KNSTRN: variants seen among roughly 807,000 people sequenced by gnomAD.
KNSTRN encodes small kinetochore-associated protein.
Under a neutral mutation model 44.7 loss-of-function variants are expected in KNSTRN, and 38 were observed. The ratio of observed to expected loss-of-function variants is 0.85; its 90% CI spans 0.66 to 1.11. The LOEUF (loss-of-function observed/expected upper bound fraction) is 1.11. Among genes scored for constraint, KNSTRN ranks in the 50% most tolerant of loss-of-function variants. The pLI is 0.00. For missense variants in KNSTRN, 406 were observed against 375.8 expected (o/e 1.08, Z -0.66); for synonymous variants, 158 against 148.1 (o/e 1.07, Z -0.48).
chr15:40,386,718 A>G (rs549362106), intron 3 of KNSTRN: 2 of 557,616 alleles, frequency 3.6e-6, no homozygotes, highest in East Asian at 6.0e-5. Flanking sequence ...TTCCTCTTTC[A>G]TCGCTTGCTC....
intron 2 of KNSTRN, chr15:40,383,557 A>T: frequency 2.2e-6 from 1 of 459,580 alleles, no homozygotes; most frequent in Non-Finnish European, 3.9e-6. Flanking sequence ...TGTATTCATC[A>T]GTTAGATTCA....
intron 5 of KNSTRN, 25 bp downstream of exon 5, chr15:40,389,636 T>A (rs1017786044): frequency 4.5e-6 from 7 of 1,550,402 alleles, no homozygotes; most frequent in Non-Finnish European, 5.3e-6. Context: ...AGAGCTCTGT[T>A]ACCAGCTGCC....
At chr15:40,387,392 A>G (rs1332595635) in intron 4 of KNSTRN, among the ~76,000 whole-genome samples, 186 bp downstream of exon 4, 1 of 152,232 alleles carries the variant, frequency 6.6e-6, no homozygotes, top group African/African-American at 2.4e-5. Context: ...CAGTGCAAGA[A>G]TCACTGGTGC....
At chr15:40,391,164 C>T (rs1325875184) in intron 6 of KNSTRN, among the ~76,000 whole-genome samples, 1 of 152,062 alleles carries the variant, frequency 6.6e-6, no homozygotes, top group Non-Finnish European at 1.5e-5. Flanking sequence ...CTGAAAGGCT[C>T]TTAAAAATAG....
At chr15:40,384,207 A>T in intron 2 of KNSTRN, 1 of 291,232 alleles carries the variant, frequency 3.4e-6, no homozygotes, top group South Asian at 2.8e-5. Flanking sequence ...CACCGTCTCT[A>T]CTAAAAAATA....
In KNSTRN at chr15:40,391,493, C is replaced by CT; in HGVS notation, c.689dup (p.Leu230PhefsTer4). ...AGATTGACTTTGTTGTATCCATCAG[C>CT]TTTAGGCAGTGAGACCCTGGCATCA... On this transcript the variant is annotated frameshift_variant and splice_region_variant, in exon 7 of 9. Transcript: ENST00000249776. LOFTEE classifies it high-confidence loss of function. 1.9e-6 allele frequency: 3 copies of CT among 1,613,378 alleles called. No homozygotes were observed. The highest frequency in any genetic ancestry group is 1.7e-6 in the Non-Finnish European group (2 of 1,179,400).
chr15:40,393,696 C>T lies in KNSTRN; in HGVS notation c.*99C>T. On this transcript the variant is annotated 3_prime_UTR_variant, in exon 9 of 9. Coordinates refer to ENST00000249776, the MANE Select transcript of KNSTRN (RefSeq NM_033286.4). ...GCCATGATCTTCTGGGACTCACCATCTCCAGAATGAAAACAATTTCTACAG... is the reference window on the plus strand; with the variant it reads ...GCCATGATCTTCTGGGACTCACCATTTCCAGAATGAAAACAATTTCTACAG... 2 of 1,117,134 alleles carry T rather than the reference C, an allele frequency of 1.8e-6. No individual in the cohort carries two copies. The highest frequency in any genetic ancestry group is 2.6e-6 in the Non-Finnish European group (2 of 777,634). 69.2% of individuals were successfully genotyped at this position (1,117,134 alleles called of 1,614,324 possible). A position where few individuals can be genotyped will look rare whatever the true frequency, so the allele number is the denominator to read the frequency against.
At position 40,384,498 on chromosome 15, in the gene KNSTRN, TTGC is replaced by T. The variant is rs572942170; in HGVS notation, c.304+1179_304+1181del. ...TCCTGGCACCAGCGGGGACTAGGAG[TTGC>T]TGGAAGAACTGGAGCCAGGTCTCTC... is the stretch of plus-strand genomic sequence containing the variant. On this transcript the variant is annotated intron_variant, in intron 2 of 8. Transcript: ENST00000249776. 547 of 455,480 alleles carry T rather than the reference TTGC, an allele frequency of 1.2e-3. 3 individuals carry two copies. Among genetic ancestry groups the T allele is most frequent in the African/African-American group, 9.8e-3 (491 of 50,064 alleles). 28.2% of individuals were successfully genotyped at this position (455,480 alleles called of 1,614,324 possible).
intron 4 of KNSTRN, among the ~76,000 whole-genome samples, chr15:40,388,712 C>G (rs1889945020): frequency 6.6e-6 from 1 of 151,854 alleles, no homozygotes; most frequent in Non-Finnish European, 1.5e-5. Flanking sequence ...AAAAAAAATG[C>G]CTTTAAGTGG....
chr15:40,383,558 G>A (rs1303978184), intron 2 of KNSTRN: 3 of 457,542 alleles, frequency 6.6e-6, no homozygotes, highest in Non-Finnish European at 1.2e-5. Context: ...GTATTCATCA[G>A]TTAGATTCAA....
chr15:40,382,938 C>T lies in KNSTRN; in HGVS notation c.103C>T (p.Leu35=), dbSNP rs1327576579. 8 of 1,612,308 alleles carry T rather than the reference C, an allele frequency of 5.0e-6. No homozygotes were observed. The East Asian group carries it at 1.8e-4, about 36-fold the overall frequency. Residue 35 remains leucine, a synonymous_variant, in exon 1 of 9, where the codon CTA becomes TTA. Transcript: ENST00000249776. ...ACTTCCGCCTAGCTACCGGAAGTTT[C>T]TATTTGAAACCCAGGCGGCCGACTT... ...HPLPPSYRKF[L]FETQAADLAG...
In KNSTRN at chr15:40,387,158, G is replaced by C; in HGVS notation, c.438-1G>C. ...TCATTTCTTTGTTTCTGCCCTCCTA[G>C]GCAAATGAAAGCTACTGACACTGCC... On this transcript the variant is annotated splice_acceptor_variant, in intron 3 of 8. Transcript: ENST00000249776. LOFTEE classifies it high-confidence loss of function. The C allele has an allele frequency of 6.2e-7, 1 of 1,611,530 alleles. No homozygotes were observed. The highest frequency in any genetic ancestry group is 8.5e-7 in the Non-Finnish European group (1 of 1,177,832).
intron 4 of KNSTRN, 153 bp from the exon 5 acceptor site, chr15:40,389,353 C>T (rs61149329): frequency 0.2 from 121,719 of 603,890 alleles, 16,111 homozygotes; most frequent in East Asian, 0.56. Flanking sequence ...TTTCTCTTAT[C>T]TTGGTCAGGC....
In KNSTRN at chr15:40,393,481, A is replaced by G; in HGVS notation, c.835A>G (p.Lys279Glu). Residue 279 changes from lysine to glutamate, a missense_variant, in exon 9 of 9, where the codon AAG becomes GAG. Transcript: ENST00000249776. The stretch of plus-strand genomic sequence containing the variant: ...TCTTTCCATGCAGGCCTTAAAGGTA[A>G]AGCTGGAGATGAAAGAGGAAAGAGT... ...QMEELQALKV[K>E]LEMKEERVRF... 1 of 1,613,416 alleles carries G rather than the reference A, an allele frequency of 6.2e-7. No individual in the cohort carries two copies. Among genetic ancestry groups the G allele is most frequent in the Non-Finnish European group, 8.5e-7 (1 of 1,179,768 alleles).
intron 2 of KNSTRN, 193 bp downstream of exon 2, chr15:40,383,515 C>A: frequency 1.8e-6 from 1 of 570,454 alleles, no homozygotes; most frequent in Non-Finnish European, 3.1e-6. Context: ...GGATTTTAGA[C>A]GTGCTCTGCA....
Position 40,393,667 on chromosome 15 carries a change from C to A in KNSTRN, c.*70C>A. On this transcript the variant is annotated 3_prime_UTR_variant, in exon 9 of 9. Transcript: ENST00000249776. ...CAGAGGAAGCTACTTAGGACATCAT[C>A]TTGGCCATGATCTTCTGGGACTCAC... The A allele has an allele frequency of 1.4e-6, 2 of 1,414,784 alleles. No individual in the cohort carries two copies. The highest frequency in any genetic ancestry group is 1.9e-6 in the Non-Finnish European group (2 of 1,026,034). The allele number at this position is 1,414,784 out of a possible 1,614,324, so 87.6% of individuals were successfully genotyped here. A position where few individuals can be genotyped will look rare whatever the true frequency, so the allele number is the denominator to read the frequency against.
intron 4 of KNSTRN, 162 bp downstream of exon 4, chr15:40,387,368 G>T (rs1403036397): frequency 4.4e-6 from 3 of 681,776 alleles, no homozygotes; most frequent in Non-Finnish European, 5.4e-6. Context: ...ACAGCTAGGT[G>T]TAAGAACCAT....
Position 40,384,169 on chromosome 15 carries a change from G to T in KNSTRN, c.304+847G>T, listed in dbSNP as rs569190454. 406 of 234,110 alleles carry T rather than the reference G, an allele frequency of 1.7e-3. 4 individuals are homozygous for T. The highest frequency in any genetic ancestry group is 1.7e-3 in the South Asian group (40 of 23,820). The allele number at this position is 234,110 out of a possible 1,614,324, so 14.5% of individuals were successfully genotyped here. A position where few individuals can be genotyped will look rare whatever the true frequency, so the allele number is the denominator to read the frequency against. ...TGGGCAGATCACGAGGTCAGGAGATGGAGACCATCCTGGCTAACACGGTGA... is the reference window on the plus strand; with the variant it reads ...TGGGCAGATCACGAGGTCAGGAGATTGAGACCATCCTGGCTAACACGGTGA... On this transcript the variant is annotated intron_variant, in intron 2 of 8. Transcript: ENST00000249776.
chr15:40,389,546 A>G lies in KNSTRN; in HGVS notation c.526A>G (p.Lys176Glu). Residue 176 changes from lysine (K) to glutamate (E), a missense_variant, in exon 5 of 9, where the codon AAG becomes GAG. Physicochemically the swap from Lys to Glu is moderately conservative, Grantham distance 56 (BLOSUM62 1). Transcript: ENST00000249776. ...LSKQKSEEEL[K>E]DKNQLLEAVN... Reference sequence around the variant, plus strand: ...TAAGCAAAAATCAGAGGAAGAGCTCAAGGACAAGAACCAGCTGTTAGAAGC... The same window carrying G: ...TAAGCAAAAATCAGAGGAAGAGCTCGAGGACAAGAACCAGCTGTTAGAAGC... 6.2e-7 allele frequency: 1 copy of G among 1,614,152 alleles called. No homozygotes were observed. The highest frequency in any genetic ancestry group is 8.5e-7 in the Non-Finnish European group (1 of 1,179,998).
Sources: allele counts gnomAD v4.1 joint callset (sites outside exome capture counted in the v4.1 genomes callset), GRCh38; gene constraint gnomAD v4.1.1; transcripts MANE v1.5; gene names NCBI Gene and HGNC (gene_info 2026-07-23, HGNC 2026-07-21).